Variants in RIPOR1 observed in about 807,000 individuals in gnomAD.
The protein encoded by RIPOR1 is rho family-interacting cell polarization regulator 1.
RIPOR1 carries 58 observed loss-of-function variants against 116.5 expected under a neutral mutation model. The observed-to-expected ratio is 0.50, with a 90% CI of 0.40 to 0.62. The LOEUF is 0.62. Ranked by LOEUF, RIPOR1 falls within the 20% of genes least tolerant of loss-of-function variation. The probability of loss-of-function intolerance (pLI) is 0.00; values close to 1 mark genes in which losing one functional copy is unlikely to be tolerated. For missense variants in RIPOR1, 1,372 were observed against 1,586.2 expected (o/e 0.86, Z 2.29); for synonymous variants, 605 against 650.0 (o/e 0.93, Z 1.05).
Position 67,539,917 on chromosome 16 carries a change from G to A in RIPOR1, c.414+18G>A, listed in dbSNP as rs149075175. On this transcript the variant is annotated intron_variant, in intron 6 of 21. Coordinates refer to ENST00000042381, the MANE Select transcript of RIPOR1 (RefSeq NM_024519.4). ...CCAGCAAGGTACGAGTGCAGCATGT[G>A]TGCAGAGTGGGGTGGGGGGTTGGAT... The A allele has an allele frequency of 1.0e-3, 1,614 of 1,614,180 alleles. 2 individuals carry two copies. The highest frequency in any genetic ancestry group is 1.3e-3 in the Non-Finnish European group (1,517 of 1,180,022).
chr16:67,543,617 T>G lies in RIPOR1; in HGVS notation c.2600+148T>G, dbSNP rs1276168654. ...CAGGTGGAGCATGTGAGGACTGAGT[T>G]GCTGGCAGGTGCACCTGTGTCCACC... On this transcript the variant is annotated intron_variant, in intron 14 of 21. Coordinates refer to ENST00000042381, the MANE Select transcript of RIPOR1 (RefSeq NM_024519.4). The surrounding 1 kb of genome is among the most constrained non-coding windows in gnomAD (Gnocchi z 4.7). The G allele has an allele frequency of 1.1e-5, 12 of 1,105,966 alleles. No homozygotes were observed. The East Asian group carries it at 3.1e-4, about 29-fold the overall frequency. 68.5% of individuals were successfully genotyped at this position (1,105,966 alleles called of 1,614,324 possible).
chr16:67,533,507 A>T (rs922583354), intron 1 of RIPOR1, among the ~76,000 whole-genome samples: 8 of 152,026 alleles, frequency 5.3e-5, no homozygotes, highest in African/African-American at 7.3e-5. Flanking sequence ...TTGTCTCTTG[A>T]AATTCAGGGG....
At chr16:67,534,520 G>A (rs1296357359) in intron 1 of RIPOR1, among the ~76,000 whole-genome samples, 1 of 152,150 alleles carries the variant, frequency 6.6e-6, no homozygotes, top group African/African-American at 2.4e-5. Context: ...TTTCATAAGA[G>A]AACACACTCA....
Position 67,545,330 on chromosome 16 carries a change from G to T in RIPOR1, c.3032-46G>T. ...ATAGGAGCATCTCTCCCCTCTAAAA[G>T]CTGTGTTCACCCAAACTCTGAGGCC... On this transcript the variant is annotated intron_variant, in intron 17 of 21. Coordinates refer to ENST00000042381, the MANE Select transcript of RIPOR1 (RefSeq NM_024519.4). This position sits in a 1 kb window ranked among gnomAD's most constrained non-coding sequence, Gnocchi z 4.8. The T allele has an allele frequency of 6.3e-7, 1 of 1,594,986 alleles. No homozygotes were observed. Among genetic ancestry groups the T allele is most frequent in the East Asian group, 2.2e-5 (1 of 44,596 alleles).
intron 1 of RIPOR1, among the ~76,000 whole-genome samples, chr16:67,534,395 A>G (rs940170512): frequency 6.6e-6 from 1 of 152,222 alleles, no homozygotes; most frequent in African/African-American, 2.4e-5. Flanking sequence ...CTAGGATTAC[A>G]GGCGTAAGCC....
rs2050953044 is a variant in RIPOR1 at position 67,540,652 on chromosome 16, A to T, written c.749A>T (p.Asp250Val). ...GAGGGTAGTGGAAAGCAGGTGTGGG[A>T]CAGTGAAGAAACCATCTTTCTCCCT... ...RIEGSGKQVW[D>V]SEETIFLPLL... The change falls in exon 10 of 22, where the codon GAC (aspartate) becomes GTC (valine). Residue 250 changes from aspartate to valine, a missense_variant. Asp to Val is a radical substitution (Grantham distance 152, BLOSUM62 -3). This residue lies in a region of RIPOR1 where 202 missense variants were observed against 295.9 expected (regional missense o/e 0.68). Transcript: ENST00000042381. The surrounding 1 kb of genome is among the most constrained non-coding windows in gnomAD (Gnocchi z 4.7). The T allele has an allele frequency of 6.2e-7, 1 of 1,613,232 alleles. No individual in the cohort carries two copies. Among genetic ancestry groups the T allele is most frequent in the African/African-American group, 1.3e-5 (1 of 75,004 alleles).
In RIPOR1 at chr16:67,537,464, A is replaced by G. The variant is rs2050825075; in HGVS notation, c.-23-960A>G. 1.6e-6 allele frequency: 2 copies of G among 1,243,708 alleles called. No individual in the cohort carries two copies. The highest frequency in any genetic ancestry group is 4.3e-5 in the Admixed American group (1 of 23,442). The allele number at this position is 1,243,708 out of a possible 1,614,324, so 77.0% of individuals were successfully genotyped here. On this transcript the variant is annotated intron_variant, in intron 1 of 21. Transcript: ENST00000042381. The surrounding 1 kb of genome is among the most constrained non-coding windows in gnomAD (Gnocchi z 4.6). ...GGGGGGCGGCGCCGGGAGGAGCCGA[A>G]GCCGAGCCAGAGCCGCTGGGAGCGA...
chr16:67,528,758 G>T (rs2050573866), upstream of RIPOR1: 1 of 151,388 alleles, frequency 6.6e-6, no homozygotes, highest in Admixed American at 6.6e-5. Context: ...GGGAGCGCAG[G>T]GGGTGGGGCC....
chr16:67,534,586 G>A (rs1171517214), intron 1 of RIPOR1, among the ~76,000 whole-genome samples: 3 of 152,146 alleles, frequency 2.0e-5, no homozygotes, highest in Admixed American at 2.0e-4. Flanking sequence ...CAGCACCCTG[G>A]AAGACCCTTG....
intron 1 of RIPOR1, among the ~76,000 whole-genome samples, chr16:67,520,638 T>C (rs1378628873): frequency 1.3e-5 from 2 of 151,406 alleles, no homozygotes; most frequent in South Asian, 2.1e-4. Context: ...CCGTCTCTAC[T>C]AAAAATACAA....
Position 67,539,077 on chromosome 16 carries a change from C to G in RIPOR1, c.336+9C>G. ...AGAGGAATTCCCGCTTGGTGAGTGG[C>G]GGGAGGTACGGATGCCCTTTGCCTC... On this transcript the variant is annotated intron_variant, in intron 4 of 21. Transcript: ENST00000042381. 1.9e-6 allele frequency: 3 copies of G among 1,610,510 alleles called. No homozygotes were observed. Among genetic ancestry groups the G allele is most frequent in the Non-Finnish European group, 2.5e-6 (3 of 1,178,734 alleles).
chr16:67,539,936 G>C (rs370249978), intron 6 of RIPOR1, 37 bp downstream of exon 6: 28 of 1,613,972 alleles, frequency 1.7e-5, no homozygotes, highest in Non-Finnish European at 2.2e-5. Context: ...GGGGTGGGGG[G>C]TTGGATATCA....
chr16:67,524,338 G>A (rs1191070886), upstream of RIPOR1, among the ~76,000 whole-genome samples: 12 of 152,136 alleles, frequency 7.9e-5, 1 homozygote, highest in Admixed American at 7.9e-4. Flanking sequence ...GGTGGGTCAA[G>A]TATACCCGCA....
chr16:67,546,316 G>A, intron 21 of RIPOR1, 50 bp from the exon 22 acceptor site: 1 of 1,607,270 alleles, frequency 6.2e-7, no homozygotes, highest in Non-Finnish European at 8.5e-7. Flanking sequence ...AGGGGTGGGA[G>A]AGTGGGATGG....
Position 67,546,016 on chromosome 16 carries a change from C to T in RIPOR1, c.3455C>T (p.Ala1152Val), listed in dbSNP as rs777805658. 3.7e-6 allele frequency: 6 copies of T among 1,613,210 alleles called. No homozygotes were observed. The highest frequency in any genetic ancestry group is 5.1e-6 in the Non-Finnish European group (6 of 1,179,960). The change falls in exon 20 of 22, where the codon GCC (alanine) becomes GTC (valine). Residue 1152 changes from alanine to valine, a missense_variant. By Grantham distance (64) the Ala-to-Val change is moderately conservative. This residue lies in a region of RIPOR1 where 1,005 missense variants were observed against 1,144.7 expected (regional missense o/e 0.88). Coordinates refer to ENST00000042381, the MANE Select transcript of RIPOR1 (RefSeq NM_024519.4). ...DVQTRVAGCL[A>V]LGCIKAPEGI... ...CAGACTCGAGTGGCTGGCTGCCTGG[C>T]CCTAGGCTGCATCAAGGTGACCCCT...
chr16:67,539,235 CT>C (rs2050900688), intron 4 of RIPOR1, 167 bp downstream of exon 4: 1 of 619,532 alleles, frequency 1.6e-6, no homozygotes, highest in Non-Finnish European at 2.8e-6. Flanking sequence ...CCAAACTTTG[CT>C]GTGCATACTT....
chr16:67,540,341 C>G lies in RIPOR1; in HGVS notation c.609C>G (p.Gly203=). 1 of 1,614,064 alleles carries G rather than the reference C, an allele frequency of 6.2e-7. No individual in the cohort carries two copies. ...LLESELEAQL[G]EFHLRMKGLA... ...AGAGCGAGCTGGAGGCACAGCTGGG[C>G]GAGTTTCATCTCCGAATGAAAGGTA... Residue 203 remains glycine (G), a synonymous_variant, in exon 8 of 22, where the codon GGC becomes GGG. Transcript: ENST00000042381. This position sits in a 1 kb window ranked among gnomAD's most constrained non-coding sequence, Gnocchi z 4.7.
chr16:67,532,250 A>G (rs2050681209), intron 1 of RIPOR1, among the ~76,000 whole-genome samples: 4 of 152,074 alleles, frequency 2.6e-5, no homozygotes, highest in Admixed American at 2.6e-4. Context: ...GTTCACAGTT[A>G]GATGTTAGCT....
chr16:67,524,577 C>T (rs1389892137), upstream of RIPOR1, among the ~76,000 whole-genome samples: 1 of 152,170 alleles, frequency 6.6e-6, no homozygotes, highest in Non-Finnish European at 1.5e-5. Flanking sequence ...TCAGATGCCA[C>T]CTGCCCAAAC....
Sources: allele counts gnomAD v4.1 joint callset (sites outside exome capture counted in the v4.1 genomes callset), GRCh38; gene constraint gnomAD v4.1.1; regional missense constraint gnomAD v4.1.1; non-coding constraint Gnocchi (gnomAD v3.1); transcripts MANE v1.5; gene names NCBI Gene and HGNC (gene_info 2026-07-23, HGNC 2026-07-21).